The following TAFA4 variants were observed in gnomAD, a reference collection of about 807,000 sequenced individuals.
TAFA4 encodes chemokine-like protein TAFA-4.
In TAFA4, 20 loss-of-function variants were observed where a neutral mutation model predicts 21.1. That is an observed-to-expected ratio of 0.95 (90% CI 0.67 to 1.38). The LOEUF is 1.38. Ranked by LOEUF, TAFA4 falls within the 40% of genes most tolerant of loss-of-function variation. The pLI, the probability that TAFA4 is intolerant of heterozygous loss-of-function variation, is 0.00. For synonymous variants in TAFA4, 71 were observed against 67.4 expected, an observed-to-expected ratio of 1.05 and a Z score of -0.26; for missense variants, 211 against 180.9, an observed-to-expected ratio of 1.17 and a Z score of -0.95.
rs149042907 is a variant in TAFA4, at chr3:68,830,699, T to G, written c.130+50031A>C. Among the ~76,000 whole-genome samples the G allele has an allele frequency of 6.9e-3, 1,046 of 152,316 alleles. 12 individuals carry two copies. Among genetic ancestry groups the G allele is most frequent in the African/African-American group, 0.024 (1,006 of 41,578 alleles). ...GGTGGAGAGTTCTGTAGAGGTCTAC[T>G]AGGTCCACTTCGTCCAGAGCTGAGT... On this transcript the variant is annotated intron_variant, in intron 3 of 5. Coordinates refer to ENST00000295569, the MANE Select transcript of TAFA4 (RefSeq NM_182522.5).
At chr3:68,877,440 C>T (rs373648657) in intron 3 of TAFA4, among the ~76,000 whole-genome samples, 2 of 152,144 alleles carry the variant, frequency 1.3e-5, no homozygotes, top group South Asian at 2.1e-4. Flanking sequence ...CCAGCATCCA[C>T]GAAACTATGA....
At chr3:68,811,916 G>A (rs1379657633) in intron 3 of TAFA4, among the ~76,000 whole-genome samples, 1 of 152,116 alleles carries the variant, frequency 6.6e-6, no homozygotes, top group Non-Finnish European at 1.5e-5. Flanking sequence ...GTTAAGGGCA[G>A]CCAGAGAGAA....
chr3:68,829,465 G>A (rs752476998), intron 3 of TAFA4, among the ~76,000 whole-genome samples: 13 of 152,096 alleles, frequency 8.5e-5, no homozygotes, highest in Non-Finnish European at 1.9e-4. Context: ...TTTTGTCATC[G>A]GTTCTGTTTA....
intron 3 of TAFA4, among the ~76,000 whole-genome samples, chr3:68,756,376 T>G (rs1313411201): frequency 6.6e-6 from 1 of 152,248 alleles, no homozygotes; most frequent in Non-Finnish European, 1.5e-5. Flanking sequence ...TAAATTGTTG[T>G]GTGAATTGTA....
At chr3:68,819,595 C>A (rs189194087) in intron 3 of TAFA4, among the ~76,000 whole-genome samples, 1 of 152,098 alleles carries the variant, frequency 6.6e-6, no homozygotes, top group South Asian at 2.1e-4. Context: ...AGAACTCAAA[C>A]AACTCAATAG....
intron 4 of TAFA4, among the ~76,000 whole-genome samples, chr3:68,751,963 G>A (rs1471870553): frequency 6.6e-6 from 1 of 152,176 alleles, no homozygotes; most frequent in African/African-American, 2.4e-5. Context: ...CTCAGATGGT[G>A]CTGATGTATA....
chr3:68,911,697 G>A (rs1458375349), intron 1 of TAFA4, among the ~76,000 whole-genome samples: 1 of 152,176 alleles, frequency 6.6e-6, no homozygotes, highest in East Asian at 1.9e-4. Flanking sequence ...GAGTTAGCAG[G>A]GAGGGGATAA....
At chr3:68,924,075 T>G (rs1316421317) in intron 1 of TAFA4, among the ~76,000 whole-genome samples, 2 of 152,152 alleles carry the variant, frequency 1.3e-5, no homozygotes, top group African/African-American at 4.8e-5. Context: ...TGGTGGTTCC[T>G]CAAAAAATTA....
chr3:68,755,628 T>C (rs1702647164), intron 3 of TAFA4, among the ~76,000 whole-genome samples: 1 of 152,196 alleles, frequency 6.6e-6, no homozygotes, highest in African/African-American at 2.4e-5. Context: ...GCAGATGTGC[T>C]GGTTTGTCAA....
chr3:68,780,600 G>A (rs896400453), intron 3 of TAFA4, among the ~76,000 whole-genome samples: 1 of 152,144 alleles, frequency 6.6e-6, no homozygotes, highest in African/African-American at 2.4e-5. Flanking sequence ...TGTAAAATGG[G>A]ACTTACTCAT....
intron 1 of TAFA4, among the ~76,000 whole-genome samples, chr3:68,928,348 T>G (rs182727194): frequency 6.6e-6 from 1 of 152,322 alleles, no homozygotes; most frequent in South Asian, 2.1e-4. Context: ...GAAAATAATG[T>G]TGTACCAAAT....
At chr3:68,926,550 C>T (rs1386136993) in intron 1 of TAFA4, among the ~76,000 whole-genome samples, 5 of 152,174 alleles carry the variant, frequency 3.3e-5, no homozygotes, top group Non-Finnish European at 7.3e-5. Context: ...CTTTTCACTA[C>T]TCTGGACCTT....
At chr3:68,908,689 T>C (rs1009616679) in intron 1 of TAFA4, among the ~76,000 whole-genome samples, 5 of 152,202 alleles carry the variant, frequency 3.3e-5, no homozygotes, top group Non-Finnish European at 5.9e-5. Flanking sequence ...ATAGAATGTC[T>C]TGATGGTAAA....
chr3:68,814,565 C>T (rs1038422234), intron 3 of TAFA4, among the ~76,000 whole-genome samples: 22 of 152,172 alleles, frequency 1.4e-4, no homozygotes, highest in Non-Finnish European at 2.1e-4. Flanking sequence ...CATTCACAAT[C>T]GCCTCAAAGA....
At chr3:68,828,241 T>C (rs1346963844) in intron 3 of TAFA4, among the ~76,000 whole-genome samples, 1 of 152,228 alleles carries the variant, frequency 6.6e-6, no homozygotes, top group African/African-American at 2.4e-5. Context: ...TCTATATCTC[T>C]GTTTTGGTAC....
intron 1 of TAFA4, among the ~76,000 whole-genome samples, chr3:68,901,537 T>C (rs1221137684): frequency 6.6e-6 from 1 of 152,116 alleles, no homozygotes; most frequent in Non-Finnish European, 1.5e-5. Flanking sequence ...TAACCACACA[T>C]GACTATTTAA....
chr3:68,798,994 T>C (rs1416978567), intron 3 of TAFA4, among the ~76,000 whole-genome samples: 1 of 152,196 alleles, frequency 6.6e-6, no homozygotes, highest in African/African-American at 2.4e-5. Context: ...GTTTGTTTTA[T>C]GTTAAAAGAA....
At chr3:68,773,999 G>A (rs1003779092) in intron 3 of TAFA4, among the ~76,000 whole-genome samples, 4 of 152,154 alleles carry the variant, frequency 2.6e-5, no homozygotes, top group South Asian at 2.1e-4. Flanking sequence ...CCTCTGGAGC[G>A]AGAGACCAAA....
intron 1 of TAFA4, among the ~76,000 whole-genome samples, chr3:68,891,356 C>T (rs953499247): frequency 2.0e-5 from 3 of 152,192 alleles, no homozygotes; most frequent in Non-Finnish European, 4.4e-5. Context: ...CTAAACCACA[C>T]TGCCCTTTCC....
Sources: allele counts gnomAD v4.1 joint callset (sites outside exome capture counted in the v4.1 genomes callset), GRCh38; gene constraint gnomAD v4.1.1; transcripts MANE v1.5; gene names NCBI Gene and HGNC (gene_info 2026-07-23, HGNC 2026-07-21).